The following KCNH3 variants were observed in gnomAD, a reference collection of about 807,000 sequenced individuals.
The protein encoded by KCNH3 is potassium voltage-gated channel subfamily H member 3.
Under a neutral mutation model 95.6 loss-of-function variants are expected in KCNH3, and 36 were observed. The observed-to-expected ratio is 0.38, with a 90% CI of 0.29 to 0.50. The LOEUF is 0.50. Ranked by LOEUF, KCNH3 falls within the 20% of genes least tolerant of loss-of-function variation. The pLI is 0.95. For synonymous variants in KCNH3, 620 were observed against 646.3 expected (o/e 0.96, Z 0.62); for missense variants, 1,030 against 1,484.1 (o/e 0.69, Z 5.03).
intron 10 of KCNH3, 60 bp downstream of exon 10, chr12:49,550,389 C>A: frequency 6.5e-7 from 1 of 1,530,970 alleles, no homozygotes; most frequent in Admixed American, 1.9e-5. Flanking sequence ...TGGCCCTGAT[C>A]TGTGGAAAAC....
chr12:49,553,410 G>A (rs1365159906), intron 10 of KCNH3, among the ~76,000 whole-genome samples: 3 of 152,152 alleles, frequency 2.0e-5, no homozygotes, highest in Non-Finnish European at 4.4e-5. Context: ...GCCTCCCAAA[G>A]TGCTGGGAGT....
At chr12:49,544,654 G>T (rs1010295946) in intron 7 of KCNH3, among the ~76,000 whole-genome samples, 2 of 151,992 alleles carry the variant, frequency 1.3e-5, no homozygotes, top group Non-Finnish European at 2.9e-5. Flanking sequence ...TTAAACCCCT[G>T]CCCCGTTGGG....
At chr12:49,550,797 CCAAA>C (rs2138156470) in intron 10 of KCNH3, among the ~76,000 whole-genome samples, 1 of 152,240 alleles carries the variant, frequency 6.6e-6, no homozygotes, top group Non-Finnish European at 1.5e-5. Context: ...AGCTCAGTCT[CCAAA>C]CAGTCAGGGA....
At position 49,554,369 on chromosome 12, in the gene KCNH3, C is replaced by T. The variant is rs1449511347; in HGVS notation, c.1951C>T (p.Arg651Trp). The change falls in exon 11 of 15, where the codon CGG becomes TGG. Residue 651 changes from arginine (R) to tryptophan (W), a missense_variant. Coordinates refer to ENST00000257981, the MANE Select transcript of KCNH3 (RefSeq NM_012284.3). ...CGACCTGATCGGCTGTGAGCTGCCC[C>T]GGCGGGAGCAGGTGGTAAAGGCCAA... ...KGDLIGCELP[R>W]REQVVKANAD... The T allele has an allele frequency of 1.2e-6, 2 of 1,613,346 alleles. No individual in the cohort carries two copies. The highest frequency in any genetic ancestry group is 1.7e-5 in the Admixed American group (1 of 60,036).
chr12:49,542,684 A>C (rs1358343953), intron 3 of KCNH3, 22 bp from the exon 4 acceptor site: 1 of 1,555,288 alleles, frequency 6.4e-7, no homozygotes, highest in South Asian at 1.2e-5. Flanking sequence ...CATCATCTTC[A>C]TGGGCCCCTC....
In KCNH3 at chr12:49,557,500, G is replaced by A; in HGVS notation, c.2799G>A (p.Gly933=). The A allele has an allele frequency of 6.2e-7, 1 of 1,611,668 alleles. No homozygotes were observed. The highest frequency in any genetic ancestry group is 8.5e-7 in the Non-Finnish European group (1 of 1,179,910). ...GEGPCPASTS[G]LLQPLCVDTG... is the part of the protein sequence containing the mutation. ...GGCCGTGCCCAGCCAGCACCTCCGG[G>A]CTTCTGCAGCCTCTGTGTGTGGACA... The change falls in exon 15 of 15, where the codon GGG becomes GGA. Residue 933 remains glycine (G), a synonymous_variant. Coordinates refer to ENST00000257981, the MANE Select transcript of KCNH3 (RefSeq NM_012284.3).
At chr12:49,541,187 A>C (rs1592497060) in intron 2 of KCNH3, 55 bp downstream of exon 2, 2 of 1,328,144 alleles carry the variant, frequency 1.5e-6, no homozygotes, top group East Asian at 2.4e-5. Flanking sequence ...CCAGCCTGGC[A>C]CCAGCCCCAT....
At chr12:49,551,595 A>AAAAG in intron 10 of KCNH3, among the ~76,000 whole-genome samples, 1 of 151,318 alleles carries the variant, frequency 6.6e-6, no homozygotes, top group African/African-American at 2.4e-5. Flanking sequence ...AAAAAAAAAA[A>AAAAG]AAAGAAAAGC....
chr12:49,548,183 AGT>A (rs1938132453), intron 7 of KCNH3, among the ~76,000 whole-genome samples: 2 of 151,634 alleles, frequency 1.3e-5, no homozygotes, highest in African/African-American at 2.4e-5. Flanking sequence ...TGTCCACGAA[AGT>A]GTGTCTTCAC....
At chr12:49,550,692 G>A (rs1265966537) in intron 10 of KCNH3, among the ~76,000 whole-genome samples, 1 of 152,130 alleles carries the variant, frequency 6.6e-6, no homozygotes, top group African/African-American at 2.4e-5. Flanking sequence ...AAAAGGGGAG[G>A]AACAAAAGCT....
Position 49,549,393 on chromosome 12 carries a change from G to A in KCNH3, c.1469-48G>A, listed in dbSNP as rs961860733. On this transcript the variant is annotated intron_variant, in intron 8 of 14. Transcript: ENST00000257981. ...GACAGATGAGCCCAGCGTGGTGTCA[G>A]GCCGGGCCAGGTCCCCTAGGTGACC... 3 of 1,594,962 alleles carry A rather than the reference G, an allele frequency of 1.9e-6. No homozygotes were observed. In the African/African-American group the frequency reaches 4.0e-5, roughly 21 times the overall value.
chr12:49,541,071 C>A lies in KCNH3; in HGVS notation c.249C>A (p.Ile83=). 1 of 1,612,512 alleles carries A rather than the reference C, an allele frequency of 6.2e-7. No homozygotes were observed. Among genetic ancestry groups the A allele is most frequent in the South Asian group, 1.1e-5 (1 of 91,048 alleles). ...PDTSELVRQQ[I]RKALDEHKEF... is the part of the protein sequence containing the mutation. The stretch of plus-strand genomic sequence containing the variant: ...CCAGTGAGCTCGTCCGCCAACAGAT[C>A]CGCAAGGCCCTGGACGAGCACAAGG... Residue 83 remains isoleucine (I), a synonymous_variant, in exon 2 of 15, where the codon ATC becomes ATA. Transcript: ENST00000257981.
intron 10 of KCNH3, 98 bp downstream of exon 10, chr12:49,550,427 T>C: frequency 7.0e-7 from 1 of 1,436,118 alleles, no homozygotes; most frequent in Non-Finnish European, 9.3e-7. Context: ...ACAAGGCCAC[T>C]GAGAGAGAAA....
At chr12:49,544,141 T>TGCCCGC in intron 6 of KCNH3, 34 bp from the exon 7 acceptor site, 1 of 1,413,420 alleles carries the variant, frequency 7.1e-7, no homozygotes, top group Non-Finnish European at 9.7e-7. Context: ...CCCGCTGACC[T>TGCCCGC]CCCTCCCTCC....
At chr12:49,545,904 C>T (rs1024919790) in intron 7 of KCNH3, among the ~76,000 whole-genome samples, 3 of 152,150 alleles carry the variant, frequency 2.0e-5, no homozygotes, top group African/African-American at 4.8e-5. Flanking sequence ...AACCAGGACA[C>T]TCCGGGCAGT....
intron 11 of KCNH3, among the ~76,000 whole-genome samples, chr12:49,554,885 C>G (rs1369155882): frequency 6.6e-6 from 1 of 152,130 alleles, no homozygotes; most frequent in Non-Finnish European, 1.5e-5. Flanking sequence ...GAGACAGGCA[C>G]CAGCTCTTCA....
intron 13 of KCNH3, 112 bp from the exon 14 acceptor site, chr12:49,557,071 G>C: frequency 9.7e-7 from 1 of 1,034,096 alleles, no homozygotes; most frequent in South Asian, 1.4e-5. Flanking sequence ...GATGATCCTA[G>C]GAGTCAGGTC....
At chr12:49,540,842 G>T in intron 1 of KCNH3, 57 bp from the exon 2 acceptor site, 3 of 1,406,712 alleles carry the variant, frequency 2.1e-6, no homozygotes, top group South Asian at 1.2e-5. Flanking sequence ...GAAAGGAGGG[G>T]TGGTAGGCCT....
At chr12:49,545,178 C>T (rs1400569559) in intron 7 of KCNH3, among the ~76,000 whole-genome samples, 1 of 152,138 alleles carries the variant, frequency 6.6e-6, no homozygotes, top group Non-Finnish European at 1.5e-5. Flanking sequence ...GACCTTTCCT[C>T]ACAGCTCTCC....
Sources: allele counts gnomAD v4.1 joint callset (sites outside exome capture counted in the v4.1 genomes callset), GRCh38; gene constraint gnomAD v4.1.1; transcripts MANE v1.5; gene names NCBI Gene and HGNC (gene_info 2026-07-23, HGNC 2026-07-21).